RECQL5: variants seen among roughly 807,000 people sequenced by gnomAD.
RECQL5 encodes the protein ATP-dependent DNA helicase Q5.
Under a neutral mutation model 103.4 loss-of-function variants are expected in RECQL5, and 88 were observed. The observed-to-expected ratio is 0.85, with a 90% CI of 0.72 to 1.02. The LOEUF (loss-of-function observed/expected upper bound fraction) is 1.02. Among genes scored for constraint, RECQL5 ranks in the 50% least tolerant of loss-of-function variants. RECQL5 has a pLI of 0.00. For missense variants in RECQL5, 1,232 were observed against 1,284.3 expected, an observed-to-expected ratio of 0.96 and a Z score of 0.62; for synonymous variants, 552 against 507.9, an observed-to-expected ratio of 1.09 and a Z score of -1.17.
chr17:75,666,390 C>T (rs1240439297), intron 2 of RECQL5, 38 bp downstream of exon 2: 4 of 1,611,920 alleles, frequency 2.5e-6, no homozygotes, highest in African/African-American at 2.7e-5. Context: ...ATGGTATAGC[C>T]AGCATAAATT....
At chr17:75,665,821 G>A (rs1203195695) in intron 2 of RECQL5, among the ~76,000 whole-genome samples, 3 of 152,116 alleles carry the variant, frequency 2.0e-5, no homozygotes, top group Admixed American at 2.0e-4. Context: ...TTACTTAGAG[G>A]GCTTTTGTTT....
rs764489720 is a variant in RECQL5, at chr17:75,629,845, GGGCAGGGATA to G, written c.1813-13_1813-4del. 1.9e-6 allele frequency: 3 copies of G among 1,600,704 alleles called. No homozygotes were observed. The highest frequency in any genetic ancestry group is 2.2e-5 in the South Asian group (2 of 89,698). On this transcript the variant is annotated splice_region_variant and splice_polypyrimidine_tract_variant and intron_variant, in intron 14 of 19. Coordinates refer to ENST00000317905, the MANE Select transcript of RECQL5 (RefSeq NM_004259.7). ...GAGGCTCTGTGGATATCGGCCACCT[GGGCAGGGATA>G]GGCAGGGAGGCTGTGGCACCCGCCA...
chr17:75,664,903 A>T, intron 3 of RECQL5, 148 bp downstream of exon 3: 1 of 1,208,210 alleles, frequency 8.3e-7, no homozygotes, highest in Non-Finnish European at 1.1e-6. Context: ...ACAGAGTAAG[A>T]CTCTGTCTCA....
chr17:75,654,286 G>T (rs1308934432), intron 7 of RECQL5, among the ~76,000 whole-genome samples: 1 of 152,040 alleles, frequency 6.6e-6, no homozygotes, highest in Non-Finnish European at 1.5e-5. Context: ...AATTCATTTC[G>T]ATAGGAGCCA....
chr17:75,665,286 G>T, intron 2 of RECQL5, 114 bp from the exon 3 acceptor site: 1 of 917,682 alleles, frequency 1.1e-6, no homozygotes, highest in Non-Finnish European at 1.7e-6. Flanking sequence ...GCACATGGGA[G>T]GGTCTCGATG....
At chr17:75,658,205 C>T in intron 7 of RECQL5, 93 bp downstream of exon 7, 3 of 1,422,590 alleles carry the variant, frequency 2.1e-6, no homozygotes, top group Non-Finnish European at 2.9e-6. Flanking sequence ...CCTCCTCTAG[C>T]TTACACAAGC....
At position 75,667,146 on chromosome 17, in the gene RECQL5, T is replaced by A. The variant is rs183640895; in HGVS notation, c.-117A>T. On this transcript the variant is annotated 5_prime_UTR_variant, in exon 1 of 20. Transcript: ENST00000317905. ...CCCCAACTCAGAGAAGCCAAAGCGC[T>A]GGGAATTCAGCTTTAGGCAGAACCC... 3 of 564,756 alleles carry A rather than the reference T, an allele frequency of 5.3e-6. No homozygotes were observed. Among genetic ancestry groups the A allele is most frequent in the South Asian group, 2.0e-5 (1 of 49,132 alleles). 35.0% of individuals were successfully genotyped at this position (564,756 alleles called of 1,614,324 possible).
chr17:75,645,774 A>G (rs1468280155), intron 8 of RECQL5, among the ~76,000 whole-genome samples: 2 of 152,202 alleles, frequency 1.3e-5, no homozygotes, highest in African/African-American at 4.8e-5. Flanking sequence ...CCCTGGCCAC[A>G]CCTGGGGAGA....
At chr17:75,631,980 G>A (rs1046524395) in intron 8 of RECQL5, among the ~76,000 whole-genome samples, 9 of 152,268 alleles carry the variant, frequency 5.9e-5, no homozygotes, top group African/African-American at 1.4e-4. Context: ...GCAATGGGAT[G>A]TAGATGCTGG....
In RECQL5 at chr17:75,629,364, G is replaced by T; in HGVS notation, c.2059C>A (p.Arg687=). 1 of 1,512,188 alleles carries T rather than the reference G, an allele frequency of 6.6e-7. No individual in the cohort carries two copies. Among genetic ancestry groups the T allele is most frequent in the Non-Finnish European group, 8.8e-7 (1 of 1,130,748 alleles). 93.7% of individuals were successfully genotyped at this position (1,512,188 alleles called of 1,614,324 possible). A position where few individuals can be genotyped will look rare whatever the true frequency, so the allele number is the denominator to read the frequency against. The change falls in exon 16 of 20, where the codon CGG becomes AGG. Residue 687 remains arginine, a synonymous_variant. Coordinates refer to ENST00000317905, the MANE Select transcript of RECQL5 (RefSeq NM_004259.7). ...CTCGGGGGCTCGTGCTCGCCTCCCC[G>T]CTCGGGCTGGGGGGCTTGCTCCCTG... is the stretch of plus-strand genomic sequence containing the variant. ...RIREQAPQPE[R]GGEHEPPSRP... is the part of the protein sequence containing the mutation.
intron 14 of RECQL5, 29 bp from the exon 15 acceptor site, chr17:75,629,871 G>C (rs747048715): frequency 6.5e-7 from 1 of 1,548,424 alleles, no homozygotes; most frequent in Admixed American, 1.8e-5. Flanking sequence ...GGAGGCTGTG[G>C]CACCCGCCAG....
At position 75,664,838 on chromosome 17, in the gene RECQL5, G is replaced by A. The variant is rs559651932; in HGVS notation, c.252+213C>T. 4.6e-5 allele frequency among the ~76,000 whole-genome samples: 7 copies of A among 151,440 alleles called. No individual in the cohort carries two copies. The South Asian group carries it at 1.0e-3, about 23-fold the overall frequency. On this transcript the variant is annotated intron_variant, in intron 3 of 19. Coordinates refer to ENST00000317905, the MANE Select transcript of RECQL5 (RefSeq NM_004259.7). ...TGAGGCACAAGAATTGCTGGAAGCC[G>A]GGAGGTGGAGGCTGCAGTGAGCCAA...
intron 7 of RECQL5, among the ~76,000 whole-genome samples, chr17:75,655,186 T>C (rs898678513): frequency 4.6e-5 from 7 of 152,244 alleles, no homozygotes; most frequent in African/African-American, 7.2e-5. Context: ...ATTTTCCTAC[T>C]TCAGCCTCCC....
chr17:75,641,057 CCAAGGA>C, intron 8 of RECQL5: 1 of 1,317,928 alleles, frequency 7.6e-7, no homozygotes, highest in Non-Finnish European at 1.0e-6. Flanking sequence ...TTGAGCCCTA[CCAAGGA>C]AACAAGGGCT....
chr17:75,650,625 C>T, intron 8 of RECQL5: 1 of 1,612,236 alleles, frequency 6.2e-7, no homozygotes, highest in Non-Finnish European at 8.5e-7. Flanking sequence ...TCCTGGGTGT[C>T]TCTCCTGCAG....
intron 14 of RECQL5, 107 bp downstream of exon 14, chr17:75,630,077 A>C: frequency 3.6e-6 from 2 of 561,394 alleles, no homozygotes; most frequent in South Asian, 1.9e-5. Context: ...TGGGCTGGGG[A>C]GGGTGAGTTC....
At chr17:75,657,482 C>G (rs2059638953) in intron 7 of RECQL5, among the ~76,000 whole-genome samples, 3 of 152,100 alleles carry the variant, frequency 2.0e-5, no homozygotes, top group Admixed American at 1.3e-4. Flanking sequence ...GGAGCAGTAG[C>G]TCACACCTGT....
rs746583627 is a variant in RECQL5 at position 75,658,358 on chromosome 17, G to A, written c.1089C>T (p.Tyr363=). The A allele has an allele frequency of 6.8e-6, 11 of 1,614,066 alleles. No homozygotes were observed. Among genetic ancestry groups the A allele is most frequent in the Non-Finnish European group, 9.3e-6 (11 of 1,179,996 alleles). The stretch of plus-strand genomic sequence containing the variant: ...TGACTTGGTCCCGGTCATTCCTGGA[G>A]TAATAGAGACGGCACCAGGAAGGCT... ...DGKPSWCRLY[Y]SRNDRDQVSF... The change falls in exon 7 of 20, where the codon TAC becomes TAT. Residue 363 remains tyrosine, a synonymous_variant. Coordinates refer to ENST00000317905, the MANE Select transcript of RECQL5 (RefSeq NM_004259.7).
rs567735753 is a variant in RECQL5 at position 75,640,340 on chromosome 17, C to G, written c.1230-8672G>C. On this transcript the variant is annotated intron_variant, in intron 8 of 19. Transcript: ENST00000317905. This position sits in a 1 kb window ranked among gnomAD's most constrained non-coding sequence, Gnocchi z 4.6. Reference sequence around the variant, plus strand: ...CATCCTTTTCACAGGTTAGTTGGGGCACTCAGCACCCCATGGCTCTCCCTG... The same window carrying G: ...CATCCTTTTCACAGGTTAGTTGGGGGACTCAGCACCCCATGGCTCTCCCTG... The G allele has an allele frequency of 5.9e-6, 9 of 1,537,758 alleles. No homozygotes were observed. In the African/African-American group the frequency reaches 1.2e-4, roughly 21 times the overall value.
Sources: allele counts gnomAD v4.1 joint callset (sites outside exome capture counted in the v4.1 genomes callset), GRCh38; gene constraint gnomAD v4.1.1; non-coding constraint Gnocchi (gnomAD v3.1); transcripts MANE v1.5; gene names NCBI Gene and HGNC (gene_info 2026-07-23, HGNC 2026-07-21).